ZSCAN25: variants seen among roughly 807,000 people sequenced by gnomAD.
ZSCAN25 encodes zinc finger and SCAN domain containing 25, also known as zinc finger and SCAN domain-containing protein 25.
In ZSCAN25, 27 loss-of-function variants were observed where a neutral mutation model predicts 38.7. The observed-to-expected ratio is 0.70, with a 90% CI of 0.51 to 0.96. ZSCAN25 has a LOEUF of 0.96. ZSCAN25 is among the 40% of genes least tolerant of loss of function. The pLI is 0.00. For missense variants in ZSCAN25, 637 were observed against 705.9 expected (o/e 0.90, Z 1.11); for synonymous variants, 273 against 277.7 (o/e 0.98, Z 0.17).
At chr7:99,666,839 A>G in the ZSCAN25 span, 5 of 1,575,700 alleles carry the variant, frequency 3.2e-6, no homozygotes, top group South Asian at 1.2e-5. Context: ...GACCATTTTT[A>G]GGAAGCTCGA....
At chr7:99,658,680 C>T in the ZSCAN25 span, among the ~76,000 whole-genome samples, 15 of 152,224 alleles carry the variant, frequency 9.9e-5, no homozygotes, top group Non-Finnish European at 2.1e-4. Flanking sequence ...AGAGTGTTTT[C>T]CAACTTCGTT....
the ZSCAN25 span, chr7:99,722,243 G>A: frequency 1.2e-6 from 2 of 1,608,164 alleles, no homozygotes; most frequent in East Asian, 2.2e-5. Context: ...GTGCAGTGGG[G>A]TAAACTCATC....
At chr7:99,665,239 T>G in the ZSCAN25 span, 1 of 1,614,056 alleles carries the variant, frequency 6.2e-7, no homozygotes, top group Non-Finnish European at 8.5e-7. Flanking sequence ...AGGGGTCTTG[T>G]GGATTGTTGA....
chr7:99,692,767 C>T, the ZSCAN25 span, among the ~76,000 whole-genome samples: 1 of 152,148 alleles, frequency 6.6e-6, no homozygotes, highest in Non-Finnish European at 1.5e-5. Context: ...GTCTTCTTGA[C>T]ACTGTTTATT....
In ZSCAN25 at chr7:99,629,381, C is replaced by T. The variant is rs752127442; in HGVS notation, c.996C>T (p.Ile332=). The T allele has an allele frequency of 2.7e-5, 44 of 1,614,104 alleles. No individual in the cohort carries two copies. The highest frequency in any genetic ancestry group is 5.0e-5 in the Admixed American group (3 of 60,014). The change falls in exon 8 of 8, where the codon ATC becomes ATT. Residue 332 remains isoleucine, a synonymous_variant. Transcript: ENST00000394152. The surrounding 1 kb of genome is among the most constrained non-coding windows in gnomAD (Gnocchi z 5.6). Reference sequence around the variant, plus strand: ...TTCCTCCTCCCCAGCACGGTGCCATCCCCCTGCCTGACGAAGTCAAAACCC... The same window carrying T: ...TTCCTCCTCCCCAGCACGGTGCCATTCCCCTGCCTGACGAAGTCAAAACCC... ...PGLPPPQHGA[I]PLPDEVKTHS...
At chr7:99,659,616 A>G in the ZSCAN25 span, 1 of 152,562 alleles carries the variant, frequency 6.6e-6, no homozygotes, top group Non-Finnish European at 1.5e-5. Flanking sequence ...AGACAGGGAC[A>G]TTTAAGTCTG....
chr7:99,623,438 C>T (rs974398256), intron 6 of ZSCAN25, among the ~76,000 whole-genome samples: 3 of 152,148 alleles, frequency 2.0e-5, no homozygotes, highest in African/African-American at 7.2e-5. Flanking sequence ...GCACTAGTAG[C>T]AGGGAGGTGG....
At chr7:99,643,441 T>C in the ZSCAN25 span, among the ~76,000 whole-genome samples, 1 of 151,986 alleles carries the variant, frequency 6.6e-6, no homozygotes. Context: ...TTTTTTTTCA[T>C]GTTCATTTTT....
the ZSCAN25 span, among the ~76,000 whole-genome samples, chr7:99,650,437 C>G: frequency 1.3e-5 from 2 of 152,094 alleles, no homozygotes; most frequent in Non-Finnish European, 2.9e-5. Context: ...TCTCCATACC[C>G]TATAGGAGCG....
the ZSCAN25 span, among the ~76,000 whole-genome samples, chr7:99,686,655 G>A: frequency 1.3e-5 from 2 of 152,172 alleles, no homozygotes; most frequent in African/African-American, 4.8e-5. Flanking sequence ...TTTGAAGAGA[G>A]TAGTCATTCT....
the ZSCAN25 span, chr7:99,717,148 C>T: frequency 1.2e-6 from 2 of 1,613,484 alleles, no homozygotes; most frequent in Non-Finnish European, 1.7e-6. Flanking sequence ...CATGACAGCT[C>T]AGAACCCCAT....
the ZSCAN25 span, among the ~76,000 whole-genome samples, chr7:99,696,741 C>T: frequency 1.2e-3 from 181 of 152,294 alleles, 1 homozygote; most frequent in African/African-American, 4.3e-3. Context: ...TGCCCCTACG[C>T]AAATCTCATG....
chr7:99,679,924 T>C, the ZSCAN25 span: 1 of 1,606,350 alleles, frequency 6.2e-7, no homozygotes, highest in Middle Eastern at 1.7e-4. Flanking sequence ...AACTGTGTTC[T>C]GTGAGTCTTC....
chr7:99,631,415 C>T lies in ZSCAN25; in HGVS notation c.*1395C>T, dbSNP rs1807988273. ...AATATTTGTAAACTGTTGAAGCTTC[C>T]TTATTGTGCCATCACTTAAGGGTTT... On this transcript the variant is annotated 3_prime_UTR_variant, in exon 8 of 8. Coordinates refer to ENST00000394152, the MANE Select transcript of ZSCAN25 (RefSeq NM_145115.3). 1 of 985,280 alleles carries T rather than the reference C, an allele frequency of 1.0e-6. No homozygotes were observed. The highest frequency in any genetic ancestry group is 1.2e-6 in the Non-Finnish European group (1 of 829,890). The allele number at this position is 985,280 out of a possible 1,614,324, so 61.0% of individuals were successfully genotyped here. A position where few individuals can be genotyped will look rare whatever the true frequency, so the allele number is the denominator to read the frequency against.
chr7:99,737,686 G>T, the ZSCAN25 span, among the ~76,000 whole-genome samples: 1 of 152,160 alleles, frequency 6.6e-6, no homozygotes, highest in Non-Finnish European at 1.5e-5. Flanking sequence ...TGGCTAAGAT[G>T]ATTTTTATTC....
At chr7:99,726,821 C>T in the ZSCAN25 span, among the ~76,000 whole-genome samples, 1 of 152,170 alleles carries the variant, frequency 6.6e-6, no homozygotes, top group African/African-American at 2.4e-5. Flanking sequence ...ATCGGGTATC[C>T]CCCTCCAAAG....
chr7:99,714,826 C>T, the ZSCAN25 span: 409 of 1,417,790 alleles, frequency 2.9e-4, 1 homozygote, highest in Non-Finnish European at 3.5e-4. Context: ...ATGACTTTTG[C>T]CCCTCTTCCA....
chr7:99,620,172 C>T (rs776964537), intron 4 of ZSCAN25, 179 bp downstream of exon 4: 308 of 874,806 alleles, frequency 3.5e-4, no homozygotes, highest in Non-Finnish European at 4.9e-4. Flanking sequence ...AGGCCATTCC[C>T]AGGGGAGATG....
chr7:99,629,212 A>G lies in ZSCAN25; in HGVS notation c.827A>G (p.Glu276Gly). 1 of 1,610,910 alleles carries G rather than the reference A, an allele frequency of 6.2e-7. No individual in the cohort carries two copies. Among genetic ancestry groups the G allele is most frequent in the Non-Finnish European group, 8.5e-7 (1 of 1,178,622 alleles). ...GTAGGCGGTGGGAGCAAGGAAAAGG[A>G]GGCAAAACCCCCACAGGAAGACCTG... ...VSPGGGSKEKEAKPPQEDLKG... is the reference protein window; with the variant it reads ...VSPGGGSKEKGAKPPQEDLKG... Residue 276 changes from glutamate to glycine, a missense_variant, in exon 8 of 8, where the codon GAG becomes GGG. Glu to Gly is a moderately conservative substitution (Grantham distance 98). Coordinates refer to ENST00000394152, the MANE Select transcript of ZSCAN25 (RefSeq NM_145115.3). This position sits in a 1 kb window ranked among gnomAD's most constrained non-coding sequence, Gnocchi z 5.6.
Sources: allele counts gnomAD v4.1 joint callset (sites outside exome capture counted in the v4.1 genomes callset), GRCh38; gene constraint gnomAD v4.1.1; non-coding constraint Gnocchi (gnomAD v3.1); transcripts MANE v1.5; gene names NCBI Gene and HGNC (gene_info 2026-07-23, HGNC 2026-07-21).